The following MED21 variants were observed in gnomAD, a reference collection of about 807,000 sequenced individuals.
MED21 encodes mediator of RNA polymerase II transcription subunit 21.
Under a neutral mutation model 18.2 loss-of-function variants are expected in MED21, and 9 were observed. The observed-to-expected ratio is 0.49, with a 90% CI of 0.30 to 0.86. MED21 has a LOEUF of 0.86. Ranked by LOEUF, MED21 falls within the 40% of genes least tolerant of loss-of-function variation. The pLI is 0.07. For synonymous variants in MED21, 73 were observed against 60.5 expected, an observed-to-expected ratio of 1.21 and a Z score of -0.96; for missense variants, 150 against 170.9, an observed-to-expected ratio of 0.88 and a Z score of 0.68.
intron 2 of MED21, among the ~76,000 whole-genome samples, chr12:27,035,957 A>G (rs1337308832): frequency 6.6e-6 from 1 of 152,188 alleles, no homozygotes; most frequent in Non-Finnish European, 1.5e-5. Context: ...TATACCCAGT[A>G]GTGGGATGGC....
At chr12:27,027,517 A>T in intron 3 of MED21, 70 bp downstream of exon 3, 1 of 1,113,990 alleles carries the variant, frequency 9.0e-7, no homozygotes, top group Non-Finnish European at 1.3e-6. Flanking sequence ...TAGATTTAGT[A>T]CCTTTTGTCT....
intron 1 of MED21, among the ~76,000 whole-genome samples, chr12:27,025,122 A>G (rs1461474849): frequency 3.9e-5 from 6 of 152,214 alleles, no homozygotes; most frequent in Non-Finnish European, 8.8e-5. Flanking sequence ...CACTGTGTTG[A>G]ATATTTTTTT....
intron 1 of MED21, among the ~76,000 whole-genome samples, chr12:27,023,860 C>G (rs1199182818): frequency 1.3e-5 from 2 of 152,002 alleles, no homozygotes; most frequent in African/African-American, 4.8e-5. Context: ...AACAGTAATA[C>G]ATAAACCAGT....
rs1941580530 is a variant in MED21 at position 27,028,910 on chromosome 12, G to T, written c.*449G>T. 1.0e-6 allele frequency: 1 copy of T among 985,652 alleles called. No homozygotes were observed. Among genetic ancestry groups the T allele is most frequent in the Non-Finnish European group, 1.2e-6 (1 of 830,174 alleles). The allele number at this position is 985,652 out of a possible 1,614,324, so 61.1% of individuals were successfully genotyped here. On this transcript the variant is annotated 3_prime_UTR_variant, in exon 4 of 4. Transcript: ENST00000282892. ...TAGAGGTGGCATTGTGTAAATCTGA[G>T]CTTTGAGCAAGAAAGTTTTGGAAAT...
At chr12:27,025,158 T>C (rs746506996) in intron 1 of MED21, among the ~76,000 whole-genome samples, 1 of 152,222 alleles carries the variant, frequency 6.6e-6, no homozygotes, top group African/African-American at 2.4e-5. Context: ...ATTACAACAA[T>C]GCTATAATAG....
rs1941585696 is a variant in MED21, at chr12:27,029,280, C to A, written c.*819C>A. The stretch of plus-strand genomic sequence containing the variant: ...CTTTTATTGCTGTATTCTAGTCAGA[C>A]CAGAACATACTTCCACTACATCAGT... On this transcript the variant is annotated 3_prime_UTR_variant, in exon 4 of 4. Transcript: ENST00000282892. The A allele has an allele frequency of 1.0e-6, 1 of 985,310 alleles. No individual in the cohort carries two copies. Among genetic ancestry groups the A allele is most frequent in the South Asian group, 4.7e-5 (1 of 21,274 alleles). 61.0% of individuals were successfully genotyped at this position (985,310 alleles called of 1,614,324 possible).
intron 2 of MED21, among the ~76,000 whole-genome samples, chr12:27,036,266 C>T (rs1486321293): frequency 6.6e-6 from 1 of 152,130 alleles, no homozygotes; most frequent in Non-Finnish European, 1.5e-5. Flanking sequence ...ATATCCTTTG[C>T]CCACTTTTTG....
intron 2 of MED21, chr12:27,037,334 T>G (rs1591795587): frequency 1.3e-5 from 2 of 151,906 alleles, no homozygotes; most frequent in East Asian, 1.9e-4. Context: ...CTTAAGGAGA[T>G]TTTGGGCTGA....
intron 2 of MED21, 106 bp downstream of exon 2, chr12:27,026,640 T>C (rs975179284): frequency 1.2e-6 from 1 of 814,142 alleles, no homozygotes; most frequent in Non-Finnish European, 2.0e-6. Context: ...CTAAAATTAT[T>C]GTTGTTTGAG....
At position 27,029,575 on chromosome 12, in the gene MED21, G is replaced by A; in HGVS notation, c.*1114G>A. On this transcript the variant is annotated 3_prime_UTR_variant, in exon 4 of 4. Transcript: ENST00000282892. ...ACAGGAACAATAGAACACTCTGCCT[G>A]TTATTTTTGTTGTAATCAAGCTTTT... 6.1e-6 allele frequency: 6 copies of A among 985,410 alleles called. No individual in the cohort carries two copies. The highest frequency in any genetic ancestry group is 7.2e-6 in the Non-Finnish European group (6 of 829,922). 61.0% of individuals were successfully genotyped at this position (985,410 alleles called of 1,614,324 possible).
downstream of MED21, among the ~76,000 whole-genome samples, chr12:27,034,641 G>A (rs1256412419): frequency 6.6e-6 from 1 of 151,928 alleles, no homozygotes; most frequent in African/African-American, 2.4e-5. Flanking sequence ...GGGTTTTGCA[G>A]TGTTGCCCAG....
intron 3 of MED21, 137 bp from the exon 4 acceptor site, chr12:27,028,148 G>T: frequency 8.8e-7 from 1 of 1,130,394 alleles, no homozygotes; most frequent in Non-Finnish European, 1.2e-6. Flanking sequence ...ATTCTTAAAA[G>T]TTGTCTGATT....
chr12:27,022,719 G>A lies in MED21; in HGVS notation c.42+98G>A, dbSNP rs1305412843. On this transcript the variant is annotated intron_variant, in intron 1 of 3. Coordinates refer to ENST00000282892, the MANE Select transcript of MED21 (RefSeq NM_004264.5). ...GAGGCAAAACTTGAAAGTGGGGAGC[G>A]GACTGAGAGACAGGGCTTCGGCATA... 3.7e-6 allele frequency: 6 copies of A among 1,601,570 alleles called. No homozygotes were observed. The Admixed American group carries it at 5.1e-5, about 14-fold the overall frequency.
At chr12:27,033,839 C>A (rs1941634333), downstream of MED21, among the ~76,000 whole-genome samples, 1 of 152,076 alleles carries the variant, frequency 6.6e-6, no homozygotes. Context: ...TGGTATTCGG[C>A]CAAGACAGCA....
intron 2 of MED21, among the ~76,000 whole-genome samples, chr12:27,036,299 T>C (rs1941649157): frequency 6.6e-6 from 1 of 152,240 alleles, no homozygotes; most frequent in Non-Finnish European, 1.5e-5. Context: ...GGTTTTTTCT[T>C]GTAAATTTGT....
Position 27,029,655 on chromosome 12 carries a change from G to C in MED21, c.*1194G>C. On this transcript the variant is annotated 3_prime_UTR_variant, in exon 4 of 4. Coordinates refer to ENST00000282892, the MANE Select transcript of MED21 (RefSeq NM_004264.5). ...AATTTCAGGAACACCAGCGTTAGCT[G>C]TAAAAGTTGCAGCAATTTATTGGCT... 7.1e-6 allele frequency: 7 copies of C among 985,432 alleles called. No homozygotes were observed. The highest frequency in any genetic ancestry group is 8.4e-6 in the Non-Finnish European group (7 of 829,930). The allele number at this position is 985,432 out of a possible 1,614,324, so 61.0% of individuals were successfully genotyped here.
Position 27,028,790 on chromosome 12 carries a change from G to A in MED21, c.*329G>A. On this transcript the variant is annotated 3_prime_UTR_variant, in exon 4 of 4. Coordinates refer to ENST00000282892, the MANE Select transcript of MED21 (RefSeq NM_004264.5). ...TGTCTCCATTTTGTTGTATTGGCCA[G>A]TACTTTTACAAATCAAAACATCTCT... The A allele has an allele frequency of 9.9e-7, 1 of 1,005,354 alleles. No individual in the cohort carries two copies. The highest frequency in any genetic ancestry group is 1.2e-6 in the Non-Finnish European group (1 of 841,820). 62.3% of individuals were successfully genotyped at this position (1,005,354 alleles called of 1,614,324 possible). A position where few individuals can be genotyped will look rare whatever the true frequency, so the allele number is the denominator to read the frequency against.
intron 2 of MED21, among the ~76,000 whole-genome samples, chr12:27,027,068 A>G (rs1592335183): frequency 6.6e-6 from 1 of 152,270 alleles, no homozygotes; most frequent in South Asian, 2.1e-4. Context: ...AGCTGGGATT[A>G]CAGGCTCATG....
At chr12:27,032,544 C>CT (rs1213867380), downstream of MED21, among the ~76,000 whole-genome samples, 5 of 152,158 alleles carry the variant, frequency 3.3e-5, no homozygotes, top group Non-Finnish European at 7.4e-5. Flanking sequence ...CTGTCTCCTG[C>CT]TTATGTGGTA....
Sources: allele counts gnomAD v4.1 joint callset (sites outside exome capture counted in the v4.1 genomes callset), GRCh38; gene constraint gnomAD v4.1.1; transcripts MANE v1.5; gene names NCBI Gene and HGNC (gene_info 2026-07-23, HGNC 2026-07-21).